The following ADAM20 variants were observed in gnomAD, a reference collection of about 807,000 sequenced individuals.
The protein encoded by ADAM20 is ADAM metallopeptidase domain 20.
For synonymous variants in ADAM20, 305 were observed against 310.2 expected (o/e 0.98, Z 0.18); for missense variants, 871 against 883.2 (o/e 0.99, Z 0.18).
At chr14:70,547,540 G>T in the ADAM20 span, 2 of 112,848 alleles carry the variant, frequency 1.8e-5, no homozygotes, top group Admixed American at 1.8e-4. Flanking sequence ...AGAAAGGGGT[G>T]ACGGACGCAC....
At chr14:70,564,945 G>C in the ADAM20 span, among the ~76,000 whole-genome samples, 1 of 151,098 alleles carries the variant, frequency 6.6e-6, no homozygotes, top group African/African-American at 2.4e-5. Context: ...CTACTCAGAA[G>C]ACTGAGGCAG....
the ADAM20 span, among the ~76,000 whole-genome samples, chr14:70,558,898 A>G: frequency 4.6e-5 from 7 of 152,010 alleles, no homozygotes; most frequent in Non-Finnish European, 1.0e-4. Flanking sequence ...CTATTATTTT[A>G]TATCTTCCCT....
chr14:70,574,605 A>T, the ADAM20 span, among the ~76,000 whole-genome samples: 1 of 152,008 alleles, frequency 6.6e-6, no homozygotes, highest in Non-Finnish European at 1.5e-5. Context: ...GCACCACTGC[A>T]CTCCAGCCTG....
chr14:70,525,705 T>A (rs1883575080), intron 1 of ADAM20, among the ~76,000 whole-genome samples: 1 of 152,168 alleles, frequency 6.6e-6, no homozygotes, highest in African/African-American at 2.4e-5. Context: ...TATGTATACC[T>A]AATTGTGCTC....
the ADAM20 span, among the ~76,000 whole-genome samples, chr14:70,569,885 CAAAAAAA>C: frequency 0.14 from 10,628 of 76,578 alleles, 229 homozygotes; most frequent in East Asian, 0.36. Flanking sequence ...AGAAAACTAA[CAAAAAAA>C]AAAAAAAAAA....
the ADAM20 span, among the ~76,000 whole-genome samples, chr14:70,541,464 A>G: frequency 6.6e-6 from 1 of 152,242 alleles, no homozygotes; most frequent in Non-Finnish European, 1.5e-5. Flanking sequence ...GAGCATTAAA[A>G]GCACAATGGG....
At chr14:70,538,524 T>C (rs1883882217), upstream of ADAM20, among the ~76,000 whole-genome samples, 1 of 152,254 alleles carries the variant, frequency 6.6e-6, no homozygotes, top group African/African-American at 2.4e-5. Context: ...ATAAATCTTG[T>C]TTTCCTGGAA....
chr14:70,524,985 G>A (rs1883558065), intron 1 of ADAM20, 52 bp from the exon 2 acceptor site: 5 of 1,403,962 alleles, frequency 3.6e-6, no homozygotes, highest in Admixed American at 2.3e-5. Flanking sequence ...AAGAGAGAGA[G>A]AAAAAAGGCA....
chr14:70,522,655 AG>A lies in ADAM20; in HGVS notation c.2102del (p.Pro701LeufsTer?). 6.2e-7 allele frequency: 1 copy of A among 1,613,932 alleles called. No homozygotes were observed. The highest frequency in any genetic ancestry group is 8.5e-7 in the Non-Finnish European group (1 of 1,179,886). ...AGCAAAATAATAAAAAAGCAACCAAAGGAAGAAGGCACAATAGTGACAGGTA... is the reference window on the plus strand; with the variant it reads ...AGCAAAATAATAAAAAAGCAACCAAAGAAGAAGGCACAATAGTGACAGGTA... Reference protein sequence around the residue: ...LRYLSLLCLLPLVAFLLFCLH... With the variant: ...LRYLSLLCLLXLVAFLLFCLH... On this transcript the variant is annotated frameshift_variant, in exon 2 of 2. Transcript: ENST00000256389. LOFTEE classifies it low-confidence loss of function (END_TRUNC).
the ADAM20 span, among the ~76,000 whole-genome samples, chr14:70,573,202 G>T: frequency 1.3e-5 from 2 of 152,128 alleles, no homozygotes. Flanking sequence ...GTCAAAGGTG[G>T]ATTGCATAAA....
At chr14:70,542,169 AT>A in the ADAM20 span, among the ~76,000 whole-genome samples, 11 of 152,208 alleles carry the variant, frequency 7.2e-5, no homozygotes, top group African/African-American at 2.7e-4. Flanking sequence ...GTATACTCCC[AT>A]GAACAAAATT....
At chr14:70,560,664 GATA>G in the ADAM20 span, among the ~76,000 whole-genome samples, 11 of 149,604 alleles carry the variant, frequency 7.4e-5, no homozygotes, top group African/African-American at 2.7e-4. Flanking sequence ...CTGTTCTCAT[GATA>G]ATGATTCTCA....
In ADAM20 at chr14:70,523,923, AG is replaced by A; in HGVS notation, c.834del (p.Ser280LeufsTer21). 1 of 1,614,046 alleles carries A rather than the reference AG, an allele frequency of 6.2e-7. No homozygotes were observed. Among genetic ancestry groups the A allele is most frequent in the Non-Finnish European group, 8.5e-7 (1 of 1,179,952 alleles). ...TSGDLDNVLE[D>X]FSIWKNYNLN... ...AGGTTATAATTCTTCCAAATAGAAAAGTCCTCTAAAACATTATCTAGGTCTC... is the reference window on the plus strand; with the variant it reads ...AGGTTATAATTCTTCCAAATAGAAAATCCTCTAAAACATTATCTAGGTCTC... On this transcript the variant is annotated frameshift_variant, in exon 2 of 2. Coordinates refer to ENST00000256389, the MANE Select transcript of ADAM20 (RefSeq NM_003814.5). LOFTEE classifies it low-confidence loss of function (END_TRUNC).
the ADAM20 span, among the ~76,000 whole-genome samples, chr14:70,572,372 G>C: frequency 5.9e-5 from 9 of 152,114 alleles, no homozygotes; most frequent in Admixed American, 5.9e-4. Flanking sequence ...TCAATAAATG[G>C]TGCTGGGGAA....
rs1424314056 is a variant in ADAM20 at position 70,524,870 on chromosome 14, G to C, written c.-113C>G. On this transcript the variant is annotated 5_prime_UTR_variant, in exon 2 of 2. Transcript: ENST00000256389. ...GTTCAGGGTGCATGGCTGACCTTTA[G>C]GGATCTGGGGATCTGTGTCCTGGTG... is the stretch of plus-strand genomic sequence containing the variant. The C allele has an allele frequency of 1.2e-6, 2 of 1,612,088 alleles. No homozygotes were observed. The highest frequency in any genetic ancestry group is 2.7e-5 in the African/African-American group (2 of 74,840).
At chr14:70,571,474 T>C in the ADAM20 span, among the ~76,000 whole-genome samples, 1 of 152,214 alleles carries the variant, frequency 6.6e-6, no homozygotes, top group Non-Finnish European at 1.5e-5. Context: ...TGATTGTAAG[T>C]TTCCTGAGGC....
Position 70,522,763 on chromosome 14 carries a change from G to T in ADAM20, c.1995C>A (p.Asp665Glu). The change falls in exon 2 of 2, where the codon GAC becomes GAA. Residue 665 changes from aspartate (D) to glutamate (E), a missense_variant. By Grantham distance (45) the Asp-to-Glu change is conservative (BLOSUM62 2). Coordinates refer to ENST00000256389, the MANE Select transcript of ADAM20 (RefSeq NM_003814.5). Reference protein sequence around the residue: ...NHEWAPPYCKDKGYGGSADSG... With the variant: ...NHEWAPPYCKEKGYGGSADSG... The stretch of plus-strand genomic sequence containing the variant: ...TATCAGCACTACCTCCATAGCCTTT[G>T]TCCTTGCAGTATGGGGGTGCCCATT... 2 of 1,614,048 alleles carry T rather than the reference G, an allele frequency of 1.2e-6. No individual in the cohort carries two copies. Among genetic ancestry groups the T allele is most frequent in the Non-Finnish European group, 1.7e-6 (2 of 1,179,952 alleles).
chr14:70,523,334 G>A lies in ADAM20; in HGVS notation c.1424C>T (p.Pro475Leu), dbSNP rs532708658. 2.5e-6 allele frequency: 4 copies of A among 1,613,984 alleles called. No homozygotes were observed. In the South Asian group the frequency reaches 4.4e-5, roughly 18 times the overall value. Residue 475 changes from proline (P) to leucine (L), a missense_variant, in exon 2 of 2, where the codon CCA becomes CTA. Transcript: ENST00000256389. ...ATGGGATGTCCCATTGCACCACTCT[G>A]GAAGGTCACATTCACCAACTTGTTG... ...CRQQVGECDL[P>L]EWCNGTSHQC...
Position 70,524,395 on chromosome 14 carries a change from G to C in ADAM20, c.363C>G (p.Ser121=). 1 of 1,613,944 alleles carries C rather than the reference G, an allele frequency of 6.2e-7. No homozygotes were observed. Among genetic ancestry groups the C allele is most frequent in the Non-Finnish European group, 8.5e-7 (1 of 1,179,916 alleles). Residue 121 remains serine (S), a synonymous_variant, in exon 2 of 2, where the codon TCC becomes TCG. Transcript: ENST00000256389. ...YHGYVEGVPE[S]LVALSTCSGG... is the part of the protein sequence containing the mutation. ...CAGAACAGGTACTAAGGGCAACCAAGGACTCAGGGACCCCCTCCACATAAC... is the reference window on the plus strand; with the variant it reads ...CAGAACAGGTACTAAGGGCAACCAACGACTCAGGGACCCCCTCCACATAAC...
Sources: allele counts gnomAD v4.1 joint callset (sites outside exome capture counted in the v4.1 genomes callset), GRCh38; gene constraint gnomAD v4.1.1; transcripts MANE v1.5; gene names NCBI Gene and HGNC (gene_info 2026-07-23, HGNC 2026-07-21).